ECHDC1: variants seen among roughly 807,000 people sequenced by gnomAD.
ECHDC1 encodes the protein ethylmalonyl-CoA decarboxylase 1.
Under a neutral mutation model 29.7 loss-of-function variants are expected in ECHDC1, and 29 were observed. The observed-to-expected ratio is 0.98, with a 90% CI of 0.73 to 1.33. The LOEUF (loss-of-function observed/expected upper bound fraction) is 1.33. Ranked by LOEUF, ECHDC1 falls within the 40% of genes most tolerant of loss-of-function variation. The probability of loss-of-function intolerance (pLI) is 0.00; values close to 1 mark genes in which losing one functional copy is unlikely to be tolerated. For synonymous variants in ECHDC1, 126 were observed against 123.1 expected (o/e 1.02, Z -0.15); for missense variants, 328 against 350.0 (o/e 0.94, Z 0.50).
At chr6:127,315,330 G>T (rs372883304) in intron 4 of ECHDC1, 10 of 341,776 alleles carry the variant, frequency 2.9e-5, no homozygotes, top group African/African-American at 2.1e-4. Context: ...TATTTCCAAA[G>T]GTTGGAAATG....
At chr6:127,310,142 T>C (rs1781783546) in intron 5 of ECHDC1, among the ~76,000 whole-genome samples, 1 of 151,944 alleles carries the variant, frequency 6.6e-6, no homozygotes, top group South Asian at 2.1e-4. Flanking sequence ...TACAAAAAAA[T>C]AGAAAGAATG....
chr6:127,299,041 A>AT (rs61218636), intron 5 of ECHDC1, among the ~76,000 whole-genome samples: 28,873 of 150,812 alleles, frequency 0.19, 4,561 homozygotes, highest in East Asian at 0.68. Context: ...ATGCCTGGCT[A>AT]TTTTTTTTAT....
At position 127,289,970 on chromosome 6, in the gene ECHDC1, A is replaced by G; in HGVS notation, c.805T>C (p.Leu269=). 6.2e-7 allele frequency: 1 copy of G among 1,613,636 alleles called. No individual in the cohort carries two copies. Among genetic ancestry groups the G allele is most frequent in the Non-Finnish European group, 8.5e-7 (1 of 1,179,744 alleles). Reference sequence around the variant, plus strand: ...CTTTCGTTCTGTAATGCTTCCTCCAAATATAGCTCTCTGCCTGAACAAACA... The same window carrying G: ...CTTTCGTTCTGTAATGCTTCCTCCAGATATAGCTCTCTGCCTGAACAAACA... ...KSVCSGRELY[L]EEALQNERDL... The change falls in exon 6 of 6, where the codon TTG becomes CTG. Residue 269 remains leucine (L), a synonymous_variant. Coordinates refer to ENST00000454859, the MANE Select transcript of ECHDC1 (RefSeq NM_001002030.2).
At chr6:127,323,040 G>A (rs1267845044) in intron 3 of ECHDC1, among the ~76,000 whole-genome samples, 1 of 152,048 alleles carries the variant, frequency 6.6e-6, no homozygotes, top group Non-Finnish European at 1.5e-5. Flanking sequence ...CTGATCTCAT[G>A]TACACAAACT....
At chr6:127,337,521 C>T (rs1784535921) in intron 1 of ECHDC1, among the ~76,000 whole-genome samples, 1 of 152,194 alleles carries the variant, frequency 6.6e-6, no homozygotes, top group Admixed American at 6.5e-5. Flanking sequence ...CCTTTCTGAA[C>T]CAAACCAATG....
At chr6:127,290,306 G>A (rs111632438) in intron 5 of ECHDC1, 29 bp from the exon 6 acceptor site, 1 of 1,591,316 alleles carries the variant, frequency 6.3e-7, no homozygotes, top group East Asian at 2.2e-5. Context: ...AAGCTTAATT[G>A]TAACTCTCTC....
intron 5 of ECHDC1, chr6:127,313,592 C>G (rs780189290): frequency 1.8e-5 from 8 of 455,994 alleles, no homozygotes; most frequent in South Asian, 1.2e-4. Context: ...GTGTCTGAAA[C>G]TGAGACAAAA....
intron 3 of ECHDC1, among the ~76,000 whole-genome samples, chr6:127,322,423 C>G (rs1782907382): frequency 6.6e-6 from 1 of 152,140 alleles, no homozygotes; most frequent in Non-Finnish European, 1.5e-5. Flanking sequence ...CAGATGTATA[C>G]AGCAACAAGT....
intron 4 of ECHDC1, 46 bp downstream of exon 4, chr6:127,316,403 AT>A: frequency 2.7e-6 from 4 of 1,495,522 alleles, no homozygotes; most frequent in Non-Finnish European, 2.7e-6. Flanking sequence ...GCAAAAAGCT[AT>A]TTTTGGTCTT....
At chr6:127,297,622 C>T (rs950890534) in intron 5 of ECHDC1, among the ~76,000 whole-genome samples, 1 of 152,178 alleles carries the variant, frequency 6.6e-6, no homozygotes, top group Non-Finnish European at 1.5e-5. Context: ...AGGTTCCTCC[C>T]CTTTTCAGGC....
intron 1 of ECHDC1, 122 bp from the exon 2 acceptor site, chr6:127,331,152 T>A: frequency 2.4e-4 from 5 of 20,468 alleles, no homozygotes; most frequent in Non-Finnish European, 5.5e-4. Context: ...TCCCCATTTC[T>A]TTTTTTTTTT....
intron 1 of ECHDC1, among the ~76,000 whole-genome samples, chr6:127,335,452 A>T (rs1490364873): frequency 2.0e-5 from 3 of 152,106 alleles, no homozygotes; most frequent in Admixed American, 6.5e-5. Flanking sequence ...GGTGCTTGTC[A>T]TCTTAAAAAA....
At chr6:127,326,789 CG>C in intron 3 of ECHDC1, 1 of 496,080 alleles carries the variant, frequency 2.0e-6, no homozygotes, top group Non-Finnish European at 3.6e-6. Context: ...TAACAAGAGC[CG>C]TTCGCAGATA....
intron 5 of ECHDC1, chr6:127,312,975 T>A (rs1782067292): frequency 6.6e-6 from 1 of 152,210 alleles, no homozygotes; most frequent in African/African-American, 2.4e-5. Flanking sequence ...AATTCTTTTT[T>A]AAAAATCTAC....
At chr6:127,329,609 ATG>A (rs1783729163) in intron 2 of ECHDC1, among the ~76,000 whole-genome samples, 1 of 152,268 alleles carries the variant, frequency 6.6e-6, no homozygotes, top group East Asian at 1.9e-4. Context: ...CCAAATTAAG[ATG>A]TGTCATAAGT....
At chr6:127,324,767 A>C (rs768668379) in intron 3 of ECHDC1, among the ~76,000 whole-genome samples, 97 of 152,212 alleles carry the variant, frequency 6.4e-4, no homozygotes, top group Non-Finnish European at 1.0e-3. Context: ...TTGGGCTTCC[A>C]ATGGCCAAAG....
At chr6:127,316,247 T>A in intron 4 of ECHDC1, 1 of 511,594 alleles carries the variant, frequency 2.0e-6, no homozygotes, top group Non-Finnish European at 3.5e-6. Flanking sequence ...CTTTCATTTC[T>A]CTTATTTTTA....
intron 5 of ECHDC1, among the ~76,000 whole-genome samples, chr6:127,303,076 A>T (rs1781175528): frequency 6.6e-6 from 1 of 152,184 alleles, no homozygotes; most frequent in Admixed American, 6.5e-5. Context: ...TATTTGTGTG[A>T]GCATGAAGTG....
At chr6:127,322,007 TAAAC>T (rs754779711) in intron 3 of ECHDC1, among the ~76,000 whole-genome samples, 2 of 145,902 alleles carry the variant, frequency 1.4e-5, no homozygotes, top group South Asian at 2.2e-4. Flanking sequence ...CATCTCAAAA[TAAAC>T]AAACAAAAAA....
Sources: allele counts gnomAD v4.1 joint callset (sites outside exome capture counted in the v4.1 genomes callset), GRCh38; gene constraint gnomAD v4.1.1; transcripts MANE v1.5; gene names NCBI Gene and HGNC (gene_info 2026-07-23, HGNC 2026-07-21).